Variants in STK3 observed in about 807,000 individuals in gnomAD.
The protein encoded by STK3 is serine/threonine-protein kinase 3.
In STK3, 41 loss-of-function variants were observed where a neutral mutation model predicts 58.0. That is an observed-to-expected ratio of 0.71 (90% confidence interval 0.55 to 0.92). STK3 has a LOEUF of 0.92. Among genes scored for constraint, STK3 ranks in the 40% least tolerant of loss-of-function variants. The pLI, the probability that STK3 is intolerant of heterozygous loss-of-function variation, is 0.00. For synonymous variants in STK3, 170 were observed against 191.0 expected (o/e 0.89, Z 0.91); for missense variants, 479 against 602.7 (o/e 0.79, Z 2.15).
intron 3 of STK3, among the ~76,000 whole-genome samples, chr8:98,873,919 T>C (rs1025993805): frequency 3.9e-5 from 6 of 152,240 alleles, no homozygotes; most frequent in African/African-American, 1.4e-4. Context: ...CATTAGTTGA[T>C]GCAGTTTCTT....
chr8:98,720,681 G>T (rs1490054929), intron 4 of STK3, among the ~76,000 whole-genome samples: 1 of 151,056 alleles, frequency 6.6e-6, no homozygotes, highest in Admixed American at 6.6e-5. Flanking sequence ...AACCCGGGAG[G>T]TGGAGCTTGT....
Position 98,588,007 on chromosome 8 carries a change from G to C in STK3, c.822+8025C>G, listed in dbSNP as rs540688754. Among the ~76,000 whole-genome samples, 5 of 152,210 alleles carry C rather than the reference G, an allele frequency of 3.3e-5. No homozygotes were observed. In the South Asian group the frequency reaches 1.0e-3, roughly 32 times the overall value. On this transcript the variant is annotated intron_variant, in intron 7 of 10. Coordinates refer to ENST00000419617, the MANE Select transcript of STK3 (RefSeq NM_006281.4). ...CTATGTGTGTCTCTGCACGTGAGATGGGTTTCCTCAATACAGCACACTGAT... is the reference window on the plus strand; with the variant it reads ...CTATGTGTGTCTCTGCACGTGAGATCGGTTTCCTCAATACAGCACACTGAT...
chr8:98,740,669 G>A (rs1353090120), intron 4 of STK3, among the ~76,000 whole-genome samples: 2 of 152,132 alleles, frequency 1.3e-5, no homozygotes, highest in East Asian at 3.8e-4. Flanking sequence ...ATCGAGGCTA[G>A]GAAGAAACGG....
chr8:98,911,818 T>A (rs555152002), intron 1 of STK3, among the ~76,000 whole-genome samples: 6 of 151,356 alleles, frequency 4.0e-5, no homozygotes, highest in South Asian at 2.1e-4. Context: ...GGGAATTTTT[T>A]AAAAAATGAA....
At chr8:98,501,511 T>A (rs1331669419) in intron 10 of STK3, among the ~76,000 whole-genome samples, 2 of 152,198 alleles carry the variant, frequency 1.3e-5, no homozygotes, top group African/African-American at 4.8e-5. Flanking sequence ...TTGCCTAGGT[T>A]TTCTTCTAGG....
At chr8:98,435,322 C>A (rs1038020564) in intron 2 of STK3, among the ~76,000 whole-genome samples, 1 of 152,190 alleles carries the variant, frequency 6.6e-6, no homozygotes, top group East Asian at 1.9e-4. Context: ...GAGAAGGAGG[C>A]TGAAGCACCA....
chr8:98,829,656 T>C (rs1457138549), upstream of STK3, among the ~76,000 whole-genome samples: 2 of 152,232 alleles, frequency 1.3e-5, no homozygotes, highest in Admixed American at 6.5e-5. Flanking sequence ...AGAATGTCTG[T>C]GTTCTAATCC....
At chr8:98,545,403 C>T (rs146825519) in intron 9 of STK3, among the ~76,000 whole-genome samples, 75 of 152,280 alleles carry the variant, frequency 4.9e-4, no homozygotes, top group African/African-American at 1.6e-3. Context: ...GTAATGCCAT[C>T]ATTGCTAAAA....
At chr8:98,891,103 G>A (rs566296021) in intron 1 of STK3, among the ~76,000 whole-genome samples, 15 of 152,354 alleles carry the variant, frequency 9.8e-5, no homozygotes, top group African/African-American at 3.4e-4. Flanking sequence ...TGTTAAATGT[G>A]CCAGCTAAGA....
At chr8:98,903,513 T>C (rs996068792) in intron 1 of STK3, among the ~76,000 whole-genome samples, 1 of 30,478 alleles carries the variant, frequency 3.3e-5, no homozygotes, top group Admixed American at 5.2e-4. Flanking sequence ...TTCTTCTTCT[T>C]CTTCTTCTTC....
intron 4 of STK3, among the ~76,000 whole-genome samples, chr8:98,710,352 A>G (rs1030993940): frequency 6.6e-6 from 1 of 152,174 alleles, no homozygotes; most frequent in African/African-American, 2.4e-5. Flanking sequence ...GCATCACCTC[A>G]CCTGGGAAGT....
chr8:98,608,388 A>G lies in STK3; in HGVS notation c.685-12219T>C, dbSNP rs192193614. ...CAGGCCAAAAAGCCTGAAAACCACTATTCTATAGTGAATGCAAACCAGGGA... is the reference window on the plus strand; with the variant it reads ...CAGGCCAAAAAGCCTGAAAACCACTGTTCTATAGTGAATGCAAACCAGGGA... On this transcript the variant is annotated intron_variant, in intron 6 of 10. Transcript: ENST00000419617. 4.4e-3 allele frequency among the ~76,000 whole-genome samples: 668 copies of G among 152,290 alleles called. 5 individuals are homozygous for G. Among genetic ancestry groups the G allele is most frequent in the African/African-American group, 0.014 (600 of 41,570 alleles).
At position 98,455,688 on chromosome 8, in the gene STK3, T is replaced by C. The variant is rs148016272; in HGVS notation, c.*154A>G. On this transcript the variant is annotated 3_prime_UTR_variant, in exon 11 of 11. Coordinates refer to ENST00000419617, the MANE Select transcript of STK3 (RefSeq NM_006281.4). ...AGCAGATACAACTGTCAATTCTGCC[T>C]TTTGGGAATTTACCTGGGCATGTAC... 1.2e-6 allele frequency: 1 copy of C among 830,190 alleles called. No individual in the cohort carries two copies. Among genetic ancestry groups the C allele is most frequent in the Non-Finnish European group, 1.8e-6 (1 of 541,994 alleles). The allele number at this position is 830,190 out of a possible 1,614,324, so 51.4% of individuals were successfully genotyped here.
intron 6 of STK3, among the ~76,000 whole-genome samples, chr8:98,655,381 C>T (rs997786240): frequency 2.0e-5 from 3 of 152,108 alleles, no homozygotes; most frequent in Non-Finnish European, 2.9e-5. Context: ...CCAGAAAAAC[C>T]CTAGAAGAAA....
At chr8:98,429,074 G>T in intron 3 of STK3, 2 of 1,613,240 alleles carry the variant, frequency 1.2e-6, no homozygotes, top group Non-Finnish European at 1.7e-6. Flanking sequence ...CTGCCTGCTG[G>T]TGGTGGGCTA....
chr8:98,444,239 G>A (rs895218532), intron 1 of STK3, among the ~76,000 whole-genome samples: 1 of 152,230 alleles, frequency 6.6e-6, no homozygotes, highest in African/African-American at 2.4e-5. Context: ...GAAAGGATGA[G>A]TAAGACTTGG....
intron 4 of STK3, among the ~76,000 whole-genome samples, chr8:98,741,930 C>G (rs1198928014): frequency 6.6e-6 from 1 of 152,082 alleles, no homozygotes; most frequent in African/African-American, 2.4e-5. Flanking sequence ...ATACAAACTA[C>G]CATCAGAGAA....
In STK3 at chr8:98,772,709, A is replaced by C. The variant is rs574447039; in HGVS notation, c.107+2030T>G. 3.9e-5 allele frequency among the ~76,000 whole-genome samples: 6 copies of C among 152,164 alleles called. No individual in the cohort carries two copies. In the South Asian group the frequency reaches 1.0e-3, roughly 26 times the overall value. On this transcript the variant is annotated intron_variant, in intron 2 of 10. Coordinates refer to ENST00000419617, the MANE Select transcript of STK3 (RefSeq NM_006281.4). ...GAAACTCTGTCTCAAAAAAATTTTA[A>C]AATAAAAAAAAATAAAACTGCGTGG...
intron 7 of STK3, among the ~76,000 whole-genome samples, chr8:98,590,324 C>T (rs1196513529): frequency 6.6e-6 from 1 of 152,164 alleles, no homozygotes; most frequent in East Asian, 1.9e-4. Context: ...TTCCTTTCTT[C>T]CACCGTAAGA....
Sources: allele counts gnomAD v4.1 joint callset (sites outside exome capture counted in the v4.1 genomes callset), GRCh38; gene constraint gnomAD v4.1.1; transcripts MANE v1.5; gene names NCBI Gene and HGNC (gene_info 2026-07-23, HGNC 2026-07-21).